The following CATSPERD variants were observed in gnomAD, a reference collection of about 807,000 sequenced individuals.
CATSPERD encodes the protein cation channel sperm-associated auxiliary subunit delta.
A neutral mutation model predicts 98.1 loss-of-function variants in CATSPERD; 86 were observed. The observed-to-expected ratio is 0.88, with a 90% confidence interval of 0.74 to 1.05. CATSPERD has a LOEUF of 1.05. Ranked by LOEUF, CATSPERD falls within the 50% of genes least tolerant of loss-of-function variation. The pLI, the probability that CATSPERD is intolerant of heterozygous loss-of-function variation, is 0.00. For synonymous variants in CATSPERD, 394 were observed against 390.2 expected, an observed-to-expected ratio of 1.01 and a Z score of -0.12; for missense variants, 995 against 1,005.7, an observed-to-expected ratio of 0.99 and a Z score of 0.14.
chr19:5,730,955 C>T (rs977755094), intron 4 of CATSPERD, among the ~76,000 whole-genome samples: 55 of 151,316 alleles, frequency 3.6e-4, no homozygotes, highest in Admixed American at 3.1e-3. Flanking sequence ...GAGCCGAGAT[C>T]GCGCCACTGC....
chr19:5,739,253 T>C, intron 6 of CATSPERD, 73 bp from the exon 7 acceptor site: 1 of 865,450 alleles, frequency 1.2e-6, no homozygotes, highest in Non-Finnish European at 1.9e-6. Context: ...TTTTCATTTC[T>C]CTGGGATAAA....
At chr19:5,763,142 G>C (rs1419033909) in intron 15 of CATSPERD, 73 bp from the exon 16 acceptor site, 2 of 1,114,328 alleles carry the variant, frequency 1.8e-6, no homozygotes, top group Admixed American at 3.5e-5. Context: ...ATGGACTGAA[G>C]GATGAATGGA....
At chr19:5,775,445 G>GT (rs2056723337) in intron 20 of CATSPERD, among the ~76,000 whole-genome samples, 1 of 149,196 alleles carries the variant, frequency 6.7e-6, no homozygotes, top group Admixed American at 6.8e-5. Flanking sequence ...AGACCATCCT[G>GT]GCTTACATGG....
intron 18 of CATSPERD, 112 bp from the exon 19 acceptor site, chr19:5,770,832 G>A (rs999388427): frequency 9.3e-5 from 120 of 1,285,906 alleles, no homozygotes; most frequent in Non-Finnish European, 1.2e-4. Flanking sequence ...GCCACCTCCT[G>A]CCACTCTCAT....
intron 15 of CATSPERD, among the ~76,000 whole-genome samples, chr19:5,760,564 T>G: frequency 6.9e-6 from 1 of 145,800 alleles, no homozygotes. Flanking sequence ...AGACAGGAAG[T>G]AGGATGGGGG....
At chr19:5,769,090 G>T (rs556076905) in intron 18 of CATSPERD, among the ~76,000 whole-genome samples, 1 of 151,772 alleles carries the variant, frequency 6.6e-6, no homozygotes, top group African/African-American at 2.4e-5. Context: ...GGAGGCAGAG[G>T]TTGCAGTGAG....
At chr19:5,749,030 A>G in intron 10 of CATSPERD, 71 bp from the exon 11 acceptor site, 1 of 1,360,654 alleles carries the variant, frequency 7.3e-7, no homozygotes, top group South Asian at 1.2e-5. Context: ...GCACCCAACC[A>G]CACTTATGTT....
chr19:5,770,369 G>T (rs1161060102), intron 18 of CATSPERD, among the ~76,000 whole-genome samples: 1 of 150,718 alleles, frequency 6.6e-6, no homozygotes, highest in Admixed American at 6.6e-5. Flanking sequence ...GAGAGAGGTT[G>T]CAGTGAGCTG....
chr19:5,767,688 C>T (rs1193696877), intron 17 of CATSPERD, among the ~76,000 whole-genome samples: 18 of 151,630 alleles, frequency 1.2e-4, no homozygotes, highest in Non-Finnish European at 2.2e-4. Flanking sequence ...GGGGTTTCAC[C>T]GTGTTAGCCA....
intron 5 of CATSPERD, among the ~76,000 whole-genome samples, chr19:5,736,892 C>T (rs1446944070): frequency 6.6e-6 from 1 of 151,756 alleles, no homozygotes; most frequent in Non-Finnish European, 1.5e-5. Context: ...CCTGTCTCTA[C>T]TAAAAATACA....
chr19:5,756,654 G>A lies in CATSPERD; in HGVS notation c.1279-1189G>A, dbSNP rs115797999. 7.2e-3 allele frequency among the ~76,000 whole-genome samples: 1,100 copies of A among 151,906 alleles called. 18 individuals are homozygous for A. The highest frequency in any genetic ancestry group is 0.025 in the African/African-American group (1,045 of 41,434). ...GCTTGGTAGGTTAGGTATATTAAAT[G>A]CATTTTCAGGCCAGGCACGGTGGCT... On this transcript the variant is annotated intron_variant, in intron 13 of 21. Coordinates refer to ENST00000381624, the MANE Select transcript of CATSPERD (RefSeq NM_152784.4).
At chr19:5,775,165 G>C in intron 20 of CATSPERD, 1 of 460,320 alleles carries the variant, frequency 2.2e-6, no homozygotes, top group Non-Finnish European at 4.5e-6. Context: ...AGTTACTACT[G>C]CTACTACTTG....
intron 18 of CATSPERD, among the ~76,000 whole-genome samples, chr19:5,769,120 C>G (rs1269801396): frequency 6.6e-6 from 1 of 151,226 alleles, no homozygotes; most frequent in African/African-American, 2.4e-5. Context: ...AGCCACTGCA[C>G]TCCAGACTGG....
chr19:5,748,402 G>A (rs1274047072), intron 10 of CATSPERD, 147 bp downstream of exon 10: 81 of 666,778 alleles, frequency 1.2e-4, no homozygotes, highest in Non-Finnish European at 1.3e-4. Flanking sequence ...AGGCCGAGGC[G>A]GGTGGATCAC....
intron 2 of CATSPERD, among the ~76,000 whole-genome samples, chr19:5,726,426 G>C (rs989033103): frequency 6.6e-6 from 1 of 151,912 alleles, no homozygotes; most frequent in African/African-American, 2.4e-5. Context: ...TTATTGCCCA[G>C]GATGTAGTGC....
intron 15 of CATSPERD, among the ~76,000 whole-genome samples, chr19:5,759,406 T>TA (rs981781581): frequency 7.4e-5 from 11 of 149,122 alleles, no homozygotes; most frequent in Non-Finnish European, 1.0e-4. Flanking sequence ...TACTAAAAAA[T>TA]AAAAAAAAAT....
chr19:5,771,207 C>A, intron 19 of CATSPERD, 135 bp downstream of exon 19: 1 of 1,029,648 alleles, frequency 9.7e-7, no homozygotes, highest in Non-Finnish European at 1.4e-6. Flanking sequence ...TCCCACCGTG[C>A]TCCTGCCCCA....
chr19:5,759,205 G>A, intron 15 of CATSPERD, 61 bp downstream of exon 15: 2 of 1,471,304 alleles, frequency 1.4e-6, no homozygotes, highest in Non-Finnish European at 9.5e-7. Flanking sequence ...CTTAGCAGGA[G>A]CGAAGAGAAG....
chr19:5,760,413 G>A lies in CATSPERD; in HGVS notation c.1427+1269G>A, dbSNP rs866571637. 3.6e-3 allele frequency among the ~76,000 whole-genome samples: 503 copies of A among 138,918 alleles called. 2 individuals carry two copies. Among genetic ancestry groups the A allele is most frequent in the African/African-American group, 0.012 (476 of 39,838 alleles). The allele number at this position is 138,918 out of a possible 152,430, so 91.1% of individuals were successfully genotyped here. On this transcript the variant is annotated intron_variant, in intron 15 of 21. Coordinates refer to ENST00000381624, the MANE Select transcript of CATSPERD (RefSeq NM_152784.4). ...AACTCGTTCTCAAAAAAAAAAAAAA[G>A]TAAGGGAATCCTGACGCAAGATACA...
Sources: gnomAD v4.1 joint callset for allele counts (sites outside exome capture counted in the v4.1 genomes callset) on GRCh38, gnomAD v4.1.1 for gene constraint, MANE v1.5 for transcripts, NCBI Gene and HGNC (gene_info 2026-07-23, HGNC 2026-07-21) for gene names.